The following BASP1 variants were observed in gnomAD, a reference collection of about 807,000 sequenced individuals.
BASP1 encodes brain abundant membrane attached signal protein 1, also known as brain acid soluble protein 1.
A neutral mutation model predicts 2.2 loss-of-function variants in BASP1; 1 was observed. That is an observed-to-expected ratio of 0.46 (90% CI 0.16 to 2.17). The LOEUF (loss-of-function observed/expected upper bound fraction) is 2.17. Among genes scored for constraint, BASP1 ranks in the 30% most tolerant of loss-of-function variants. The probability of loss-of-function intolerance (pLI) is 0.27; values close to 1 mark genes in which losing one functional copy is unlikely to be tolerated. For missense variants in BASP1, 352 were observed against 327.2 expected (o/e 1.08, Z -0.58); for synonymous variants, 187 against 154.2 (o/e 1.21, Z -1.58).
chr5:17,248,859 G>A (rs2098082507), intron 1 of BASP1, among the ~76,000 whole-genome samples: 2 of 152,136 alleles, frequency 1.3e-5, no homozygotes, highest in African/African-American at 4.8e-5. Flanking sequence ...CCTATTCTAG[G>A]TCTCCTTGAT....
At chr5:17,223,028 T>G (rs961757596) in intron 1 of BASP1, among the ~76,000 whole-genome samples, 1 of 152,110 alleles carries the variant, frequency 6.6e-6, no homozygotes, top group African/African-American at 2.4e-5. Flanking sequence ...TAAACTCTTT[T>G]TTTTTTTGGT....
At chr5:17,254,307 C>T (rs2126509758) in intron 1 of BASP1, among the ~76,000 whole-genome samples, 1 of 152,184 alleles carries the variant, frequency 6.6e-6, no homozygotes, top group East Asian at 1.9e-4. Context: ...TTTTAAAGTG[C>T]CTGTTCCTTT....
rs545722388 is a variant in BASP1 at position 17,227,145 on chromosome 5, G to A, written c.-10+9335G>A. On this transcript the variant is annotated intron_variant, in intron 1 of 1. Coordinates refer to ENST00000322611, the MANE Select transcript of BASP1 (RefSeq NM_006317.5). ...AAGGTTTCACCATGTTGGTCAGGCT[G>A]GTCTTGAACTCCTGACTTCGTGATC... Among the ~76,000 whole-genome samples, 39 of 151,692 alleles carry A rather than the reference G, an allele frequency of 2.6e-4. No individual in the cohort carries two copies. In the South Asian group the frequency reaches 7.9e-3, roughly 31 times the overall value.
intron 1 of BASP1, among the ~76,000 whole-genome samples, chr5:17,268,097 A>G (rs1740453705): frequency 1.3e-5 from 2 of 151,982 alleles, no homozygotes; most frequent in South Asian, 4.1e-4. Flanking sequence ...AAGAGAATAC[A>G]CTTTAAGTAT....
chr5:17,235,205 C>T (rs1275468104), intron 1 of BASP1, among the ~76,000 whole-genome samples: 1 of 151,988 alleles, frequency 6.6e-6, no homozygotes, highest in African/African-American at 2.4e-5. Context: ...TTAAGATGGG[C>T]CACTCAGCTT....
chr5:17,228,957 TTTGAG>T (rs1232974322), intron 1 of BASP1, among the ~76,000 whole-genome samples: 2 of 152,080 alleles, frequency 1.3e-5, no homozygotes, highest in African/African-American at 4.8e-5. Flanking sequence ...CCAAGCCAGT[TTTGAG>T]TTGAGTGTGC....
At position 17,275,778 on chromosome 5, in the gene BASP1, G is replaced by C. The variant is rs774255309; in HGVS notation, c.562G>C (p.Ala188Pro). ...TGCCCCCTCTTCCAAGGAGACCCCCGCAGCCACGGAAGCGCCTAGTTCCAC... is the reference window on the plus strand; with the variant it reads ...TGCCCCCTCTTCCAAGGAGACCCCCCCAGCCACGGAAGCGCCTAGTTCCAC... ...EAAPSSKETP[A>P]ATEAPSSTPK... The change falls in exon 2 of 2, where the codon GCA (alanine) becomes CCA (proline). Residue 188 changes from alanine (A) to proline (P), a missense_variant. By Grantham distance (27) the Ala-to-Pro change is conservative. Transcript: ENST00000322611. This position sits in a 1 kb window ranked among gnomAD's most constrained non-coding sequence, Gnocchi z 5.3. 1 of 1,613,024 alleles carries C rather than the reference G, an allele frequency of 6.2e-7. No individual in the cohort carries two copies. The highest frequency in any genetic ancestry group is 8.5e-7 in the Non-Finnish European group (1 of 1,179,730).
intron 1 of BASP1, among the ~76,000 whole-genome samples, chr5:17,268,020 T>G (rs1740451881): frequency 6.6e-6 from 1 of 151,982 alleles, no homozygotes; most frequent in Non-Finnish European, 1.5e-5. Flanking sequence ...ATACCACTTG[T>G]TTCTTTATCT....
Position 17,236,439 on chromosome 5 carries a change from AT to A in BASP1, c.-10+18634del, listed in dbSNP as rs1368618701. On this transcript the variant is annotated intron_variant, in intron 1 of 1. Coordinates refer to ENST00000322611, the MANE Select transcript of BASP1 (RefSeq NM_006317.5). The surrounding 1 kb of genome is among the most constrained non-coding windows in gnomAD (Gnocchi z 4.0). ...CCACCATGCCTGGCTAATTTTTTGT[AT>A]TTTTAGTAGAGACGGGGTTTCGCCT... is the stretch of plus-strand genomic sequence containing the variant. Among the ~76,000 whole-genome samples, 5 of 151,878 alleles carry A rather than the reference AT, an allele frequency of 3.3e-5. No individual in the cohort carries two copies. The highest frequency in any genetic ancestry group is 2.6e-4 in the Admixed American group (4 of 15,260).
intron 1 of BASP1, among the ~76,000 whole-genome samples, chr5:17,267,179 C>CGCTT (rs1438912659): frequency 6.6e-6 from 1 of 152,148 alleles, no homozygotes; most frequent in Admixed American, 6.5e-5. Flanking sequence ...TTAGGAAGCA[C>CGCTT]GCTTGCTCAA....
Position 17,275,143 on chromosome 5 carries a change from G to A in BASP1, c.-9-65G>A, listed in dbSNP as rs1316282928. ...AGAACCCCTTGCTTTGCAAAATGCA[G>A]CTTTTTGTGGTCCCCACACTTGCCT... is the stretch of plus-strand genomic sequence containing the variant. On this transcript the variant is annotated intron_variant, in intron 1 of 1. Coordinates refer to ENST00000322611, the MANE Select transcript of BASP1 (RefSeq NM_006317.5). This position sits in a 1 kb window ranked among gnomAD's most constrained non-coding sequence, Gnocchi z 5.3. The A allele has an allele frequency of 6.5e-7, 1 of 1,545,354 alleles. No homozygotes were observed. The highest frequency in any genetic ancestry group is 2.2e-5 in the East Asian group (1 of 44,470).
At chr5:17,268,196 C>T (rs1160792838) in intron 1 of BASP1, among the ~76,000 whole-genome samples, 1 of 152,106 alleles carries the variant, frequency 6.6e-6, no homozygotes, top group Admixed American at 6.5e-5. Context: ...GAGACCAACC[C>T]CTAGCACACC....
chr5:17,239,255 G>GCACA (rs1739810031), intron 1 of BASP1, among the ~76,000 whole-genome samples: 1 of 151,976 alleles, frequency 6.6e-6, no homozygotes, highest in Non-Finnish European at 1.5e-5. Flanking sequence ...CACCATATCT[G>GCACA]GCTAATTTTT....
intron 1 of BASP1, among the ~76,000 whole-genome samples, chr5:17,242,266 T>C (rs140089321): frequency 1.3e-5 from 2 of 152,350 alleles, no homozygotes; most frequent in East Asian, 3.9e-4. Context: ...TTTGTATATA[T>C]ATACCTGTGA....
intron 1 of BASP1, among the ~76,000 whole-genome samples, chr5:17,225,561 C>A (rs780307605): frequency 6.6e-6 from 1 of 152,112 alleles, no homozygotes; most frequent in East Asian, 1.9e-4. Context: ...TGTTTTTCTC[C>A]CAAAATGCAC....
chr5:17,227,273 G>T (rs1008370770), intron 1 of BASP1, among the ~76,000 whole-genome samples: 1 of 151,832 alleles, frequency 6.6e-6, no homozygotes. Flanking sequence ...AGGCTGGAGT[G>T]CAGTGGCGCA....
rs1014378029 is a variant in BASP1 at position 17,245,333 on chromosome 5, T to C, written c.-10+27523T>C. On this transcript the variant is annotated intron_variant, in intron 1 of 1. Coordinates refer to ENST00000322611, the MANE Select transcript of BASP1 (RefSeq NM_006317.5). Reference sequence around the variant, plus strand: ...AAAAAAAAAAAAAAAAAATCAGTGTTGAAATGTGACATTTTTTTCCCTGTA... The same window carrying C: ...AAAAAAAAAAAAAAAAAATCAGTGTCGAAATGTGACATTTTTTTCCCTGTA... Among the ~76,000 whole-genome samples, 28 of 151,824 alleles carry C rather than the reference T, an allele frequency of 1.8e-4. 1 individual carries two copies. The highest frequency in any genetic ancestry group is 6.8e-4 in the African/African-American group (28 of 41,344).
At chr5:17,248,079 G>C (rs896308141) in intron 1 of BASP1, among the ~76,000 whole-genome samples, 1 of 152,142 alleles carries the variant, frequency 6.6e-6, no homozygotes, top group African/African-American at 2.4e-5. Context: ...CCAGATCTGG[G>C]ATAGTGGGCA....
chr5:17,219,099 C>A (rs1323979700), intron 1 of BASP1, among the ~76,000 whole-genome samples: 2 of 152,038 alleles, frequency 1.3e-5, no homozygotes, highest in South Asian at 2.1e-4. Context: ...TGTGGACCGA[C>A]CCCCCACCCC....
Sources: gnomAD v4.1 joint callset for allele counts (sites outside exome capture counted in the v4.1 genomes callset) on GRCh38, gnomAD v4.1.1 for gene constraint, Gnocchi (gnomAD v3.1) non-coding constraint, MANE v1.5 for transcripts, NCBI Gene and HGNC (gene_info 2026-07-23, HGNC 2026-07-21) for gene names.